Variants in RGPD3 observed in about 807,000 individuals in gnomAD.
The protein encoded by RGPD3 is ranBP2-like and GRIP domain-containing protein 3.
Under a neutral mutation model 154.5 loss-of-function variants are expected in RGPD3, and 62 were observed. The ratio of observed to expected loss-of-function variants is 0.40; its 90% CI spans 0.33 to 0.50. RGPD3 has a LOEUF of 0.50. RGPD3 is among the 20% of genes least tolerant of loss of function. The pLI, the probability that RGPD3 is intolerant of heterozygous loss-of-function variation, is 0.59. For missense variants in RGPD3, 919 were observed against 1,716.8 expected (o/e 0.54, Z 8.21); for synonymous variants, 308 against 607.0 (o/e 0.51, Z 7.24).
intron 20 of RGPD3, 82 bp downstream of exon 20, chr2:106,422,961 T>C (rs960551292): frequency 6.3e-7 from 1 of 1,597,644 alleles, no homozygotes; most frequent in Non-Finnish European, 8.5e-7. Context: ...ATCCCAACAT[T>C]AGTATCCCAC....
chr2:106,407,571 C>A (rs1384399165), intron 22 of RGPD3, among the ~76,000 whole-genome samples: 1 of 151,642 alleles, frequency 6.6e-6, no homozygotes, highest in Admixed American at 6.6e-5. Flanking sequence ...CTGAAATGCA[C>A]TGTTGTATGT....
intron 1 of RGPD3, among the ~76,000 whole-genome samples, chr2:106,467,398 G>C (rs1678653660): frequency 4.4e-5 from 5 of 113,986 alleles, no homozygotes; most frequent in African/African-American, 1.7e-4. Context: ...AGCGCCCGTC[G>C]GGAGCCATGA....
chr2:106,437,700 C>T (rs1677607206), intron 9 of RGPD3, among the ~76,000 whole-genome samples: 1 of 151,770 alleles, frequency 6.6e-6, no homozygotes. Flanking sequence ...AAGTTTTTAT[C>T]AGAGTATGAT....
chr2:106,414,596 C>T (rs895099364), intron 21 of RGPD3, among the ~76,000 whole-genome samples: 9 of 149,162 alleles, frequency 6.0e-5, no homozygotes, highest in Non-Finnish European at 1.0e-4. Context: ...CACTCCAAAC[C>T]TAGTGACAGA....
chr2:106,424,207 A>C lies in RGPD3; in HGVS notation c.3760T>G (p.Leu1254Val), dbSNP rs986649203. 4 of 1,611,924 alleles carry C rather than the reference A, an allele frequency of 2.5e-6. No homozygotes were observed. The highest frequency in any genetic ancestry group is 2.5e-6 in the Non-Finnish European group (3 of 1,179,862). The change falls in exon 20 of 23, where the codon TTA (leucine) becomes GTA (valine). Residue 1254 changes from leucine to valine, a missense_variant. Leu to Val is a conservative substitution (Grantham distance 32). Coordinates refer to ENST00000409886, the MANE Select transcript of RGPD3 (RefSeq NM_001144013.2). ...CTATCATCCAAAGCATCTTCCCTTA[A>C]ATCATAGTTATCCCATTCTAATGTG... is the stretch of plus-strand genomic sequence containing the variant. ...GPTLEWDNYD[L>V]REDALDDSVS...
At chr2:106,412,713 GGAA>G in intron 22 of RGPD3, 2 of 465,518 alleles carry the variant, frequency 4.3e-6, no homozygotes, top group Non-Finnish European at 8.5e-6. Flanking sequence ...TGGGGTTGGA[GGAA>G]GGAAGAGGGG....
Position 106,403,536 on chromosome 2 carries a change from G to A in RGPD3, c.*1683C>T, listed in dbSNP as rs1676422943. On this transcript the variant is annotated 3_prime_UTR_variant, in exon 23 of 23. Coordinates refer to ENST00000409886, the MANE Select transcript of RGPD3 (RefSeq NM_001144013.2). Reference sequence around the variant, plus strand: ...AAAAAAGTATTTTGTTATGACATTTGTAAGTGGAGACTATATTTCAAAACA... The same window carrying A: ...AAAAAAGTATTTTGTTATGACATTTATAAGTGGAGACTATATTTCAAAACA... Among the ~76,000 whole-genome samples, 3 of 152,184 alleles carry A rather than the reference G, an allele frequency of 2.0e-5. No individual in the cohort carries two copies. The highest frequency in any genetic ancestry group is 7.2e-5 in the African/African-American group (3 of 41,466).
At chr2:106,466,153 CCGTCGGGAACAAG>C (rs1178703315) in intron 1 of RGPD3, among the ~76,000 whole-genome samples, 1,609 of 152,134 alleles carry the variant, frequency 0.011, 30 homozygotes, top group African/African-American at 0.037. Flanking sequence ...GGAGCGAGCA[CCGTCGGGAACAAG>C]CGTCGGGAAC....
At chr2:106,421,076 C>G (rs888677218) in intron 20 of RGPD3, among the ~76,000 whole-genome samples, 1 of 152,114 alleles carries the variant, frequency 6.6e-6, no homozygotes, top group African/African-American at 2.4e-5. Flanking sequence ...GTATCATTTC[C>G]TAGCTAGGAG....
chr2:106,415,279 G>A (rs1180499859), intron 21 of RGPD3, among the ~76,000 whole-genome samples: 1 of 151,176 alleles, frequency 6.6e-6, no homozygotes, highest in African/African-American at 2.4e-5. Flanking sequence ...TTTTATTTAA[G>A]CATATGTGAA....
At chr2:106,461,843 A>G (rs951422560) in intron 1 of RGPD3, among the ~76,000 whole-genome samples, 2 of 152,080 alleles carry the variant, frequency 1.3e-5, no homozygotes, top group African/African-American at 4.8e-5. Flanking sequence ...AAAAAAAAAG[A>G]ACTATAGCAA....
chr2:106,446,569 C>CAAAAAAAA (rs550745664), intron 7 of RGPD3, among the ~76,000 whole-genome samples: 1 of 20,550 alleles, frequency 4.9e-5, no homozygotes, highest in Non-Finnish European at 8.4e-5. Context: ...GACTCCATCT[C>CAAAAAAAA]AAAAAAAAAA....
At chr2:106,457,219 T>A in intron 3 of RGPD3, 96 bp from the exon 4 acceptor site, 1 of 1,502,630 alleles carries the variant, frequency 6.7e-7, no homozygotes, top group Non-Finnish European at 8.9e-7. Flanking sequence ...AGGTTAAAAA[T>A]TATCACTCCA....
intron 2 of RGPD3, among the ~76,000 whole-genome samples, chr2:106,458,771 C>T (rs1167608940): frequency 2.6e-5 from 2 of 76,646 alleles, no homozygotes; most frequent in Non-Finnish European, 5.6e-5. Flanking sequence ...TAATTTCCTG[C>T]TTTAATCCAC....
intron 22 of RGPD3, among the ~76,000 whole-genome samples, chr2:106,411,894 T>C (rs1676682241): frequency 6.6e-6 from 1 of 152,092 alleles, no homozygotes; most frequent in African/African-American, 2.4e-5. Flanking sequence ...CTATTTAGGA[T>C]ACTATAAAAA....
intron 7 of RGPD3, among the ~76,000 whole-genome samples, chr2:106,446,484 G>A (rs969251737): frequency 1.4e-5 from 2 of 141,306 alleles, no homozygotes; most frequent in Non-Finnish European, 3.1e-5. Flanking sequence ...GCAGGAAAAT[G>A]GCGTGAACTC....
chr2:106,443,759 G>C (rs1224583932), intron 7 of RGPD3, among the ~76,000 whole-genome samples: 1 of 116,126 alleles, frequency 8.6e-6, no homozygotes. Flanking sequence ...GCAGTGGCAC[G>C]ATCTCGGCTC....
At position 106,424,597 on chromosome 2, in the gene RGPD3, A is replaced by G. The variant is rs1677123286; in HGVS notation, c.3370T>C (p.Ser1124Pro). 5 of 1,611,618 alleles carry G rather than the reference A, an allele frequency of 3.1e-6. No individual in the cohort carries two copies. The East Asian group carries it at 1.1e-4, about 36-fold the overall frequency. ...CACATCCATGCTCTATCTGATCCAG[A>G]GAGGGGCTTCAGGTTCATTGTAGTC... ...ITTTMNLKPL[S>P]GSDRAWMWSA... The change falls in exon 20 of 23, where the codon TCT becomes CCT. Residue 1124 changes from serine (S) to proline (P), a missense_variant. Transcript: ENST00000409886.
chr2:106,444,812 C>T (rs1406687450), intron 7 of RGPD3, among the ~76,000 whole-genome samples: 1 of 149,224 alleles, frequency 6.7e-6, no homozygotes, highest in Non-Finnish European at 1.5e-5. Flanking sequence ...CACAGCACCT[C>T]CCAAAACTAC....
Sources: gnomAD v4.1 joint callset for allele counts (sites outside exome capture counted in the v4.1 genomes callset) on GRCh38, gnomAD v4.1.1 for gene constraint, MANE v1.5 for transcripts, NCBI Gene and HGNC (gene_info 2026-07-23, HGNC 2026-07-21) for gene names.